The following NFIB variants were observed in gnomAD, a reference collection of about 807,000 sequenced individuals.
NFIB encodes nuclear factor I B.
A neutral mutation model predicts 61.5 loss-of-function variants in NFIB; 11 were observed. The ratio of observed to expected loss-of-function variants is 0.18; its 90% CI spans 0.11 to 0.30. The LOEUF (loss-of-function observed/expected upper bound fraction) is 0.30, where lower values mean the gene tolerates loss of function less well. NFIB is among the 10% of genes least tolerant of loss of function. The pLI, the probability that NFIB is intolerant of heterozygous loss-of-function variation, is 1.00. For missense variants in NFIB, 471 were observed against 608.9 expected (o/e 0.77, Z 2.38); for synonymous variants, 260 against 216.5 (o/e 1.20, Z -1.76).
intron 3 of NFIB, among the ~76,000 whole-genome samples, chr9:14,170,111 A>G (rs1257615764): frequency 6.6e-6 from 1 of 152,204 alleles, no homozygotes; most frequent in Non-Finnish European, 1.5e-5. Flanking sequence ...GAGTTGCCTT[A>G]GTGCCTGGAC....
At chr9:14,518,872 G>A in the NFIB span, among the ~76,000 whole-genome samples, 1 of 152,036 alleles carries the variant, frequency 6.6e-6, no homozygotes, top group East Asian at 1.9e-4. Flanking sequence ...TCGGAGCAGT[G>A]GAGTCTATGC....
chr9:14,438,566 T>C, the NFIB span, among the ~76,000 whole-genome samples: 5 of 151,344 alleles, frequency 3.3e-5, no homozygotes, highest in Non-Finnish European at 5.9e-5. Context: ...GGAAAGGGGG[T>C]GGTGGAGGTG....
the NFIB span, among the ~76,000 whole-genome samples, chr9:14,409,320 T>C: frequency 1.8e-3 from 275 of 152,338 alleles, 5 homozygotes; most frequent in East Asian, 0.041. Flanking sequence ...AATTGAACTA[T>C]CTGTTCTTAT....
At chr9:14,481,197 G>GTGTGTATATATATATATATATATATATA in the NFIB span, among the ~76,000 whole-genome samples, 2 of 45,844 alleles carry the variant, frequency 4.4e-5, no homozygotes, top group African/African-American at 9.4e-5. Context: ...GTGTGTGTGT[G>GTGTGTATATATATATATATATATATATA]TATATATATA....
intron 1 of NFIB, among the ~76,000 whole-genome samples, chr9:14,359,015 C>T (rs149140700): frequency 5.4e-4 from 82 of 152,298 alleles, no homozygotes; most frequent in African/African-American, 1.9e-3. Flanking sequence ...TAATGGCGTG[C>T]TGCTATACAT....
chr9:14,367,967 G>A (rs1292637545), intron 1 of NFIB, among the ~76,000 whole-genome samples: 3 of 152,114 alleles, frequency 2.0e-5, no homozygotes, highest in South Asian at 2.1e-4. Flanking sequence ...TCCATGGCAC[G>A]TGTATACCTA....
At chr9:14,423,634 T>C in the NFIB span, among the ~76,000 whole-genome samples, 1 of 152,232 alleles carries the variant, frequency 6.6e-6, no homozygotes, top group African/African-American at 2.4e-5. Context: ...AAAACTCATC[T>C]ATGTCCCTTG....
intron 2 of NFIB, among the ~76,000 whole-genome samples, chr9:14,218,115 TAAG>T (rs1243044031): frequency 1.3e-5 from 2 of 152,092 alleles, no homozygotes; most frequent in African/African-American, 4.8e-5. Flanking sequence ...AGCAAGGGAA[TAAG>T]AATAATGAGC....
chr9:14,367,598 T>C (rs1025027415), intron 1 of NFIB, among the ~76,000 whole-genome samples: 3 of 152,116 alleles, frequency 2.0e-5, no homozygotes, highest in South Asian at 2.1e-4. Context: ...GAGCAATTGA[T>C]ACATGAGAGG....
At chr9:14,331,379 C>A (rs1362172750) in intron 1 of NFIB, among the ~76,000 whole-genome samples, 1 of 152,200 alleles carries the variant, frequency 6.6e-6, no homozygotes, top group African/African-American at 2.4e-5. Flanking sequence ...GCCTTGGAGG[C>A]TTTCCACTAT....
Position 14,283,986 on chromosome 9 carries a change from T to C in NFIB, c.562+23003A>G, listed in dbSNP as rs1357064029. Among the ~76,000 whole-genome samples the C allele has an allele frequency of 2.6e-5, 4 of 152,190 alleles. No individual in the cohort carries two copies. The East Asian group carries it at 5.8e-4, about 22-fold the overall frequency. ...AAATGTAGCTTATAACCCTTGGAGA[T>C]GCAGAGAAGACCCTTTTTTAAAAAA... is the stretch of plus-strand genomic sequence containing the variant. On this transcript the variant is annotated intron_variant, in intron 2 of 10. Coordinates refer to ENST00000380953, the MANE Select transcript of NFIB (RefSeq NM_001190737.2).
intron 2 of NFIB, among the ~76,000 whole-genome samples, chr9:14,300,022 CAG>C (rs1435772383): frequency 6.6e-6 from 1 of 152,182 alleles, no homozygotes; most frequent in Non-Finnish European, 1.5e-5. Context: ...GCTAATCCCA[CAG>C]ACTCACTCCT....
chr9:14,203,581 C>T (rs1288110374), intron 2 of NFIB, among the ~76,000 whole-genome samples: 1 of 152,290 alleles, frequency 6.6e-6, no homozygotes, highest in Middle Eastern at 3.4e-3. Flanking sequence ...GAGCTCTCCG[C>T]GCGGGCAGGA....
At chr9:14,189,215 C>A (rs1455866069) in intron 2 of NFIB, among the ~76,000 whole-genome samples, 1 of 152,168 alleles carries the variant, frequency 6.6e-6, no homozygotes, top group African/African-American at 2.4e-5. Flanking sequence ...ATTTTCCCAA[C>A]ACTTAATATA....
chr9:14,278,254 A>G (rs1026817620), intron 2 of NFIB, among the ~76,000 whole-genome samples: 1 of 152,218 alleles, frequency 6.6e-6, no homozygotes, highest in African/African-American at 2.4e-5. Context: ...GTTGGTAGGT[A>G]AAAGTAATCT....
Position 14,282,564 on chromosome 9 carries a change from T to C in NFIB, c.562+24425A>G, listed in dbSNP as rs2058442246. Among the ~76,000 whole-genome samples the C allele has an allele frequency of 1.3e-5, 2 of 152,232 alleles. 1 individual carries two copies. Among genetic ancestry groups the C allele is most frequent in the South Asian group, 4.1e-4 (2 of 4,834 alleles). ...AATGGCAGTTGATAAACATAGTCTT[T>C]AGAGTGTGCTAAGGTCATTAAAACA... On this transcript the variant is annotated intron_variant, in intron 2 of 10. Coordinates refer to ENST00000380953, the MANE Select transcript of NFIB (RefSeq NM_001190737.2).
chr9:14,234,805 G>GTTT (rs113148766), intron 2 of NFIB, among the ~76,000 whole-genome samples: 95 of 142,966 alleles, frequency 6.6e-4, no homozygotes, highest in Admixed American at 1.7e-3. Flanking sequence ...TTTTTTTTTG[G>GTTT]TTTTTTTTTT....
the NFIB span, among the ~76,000 whole-genome samples, chr9:14,415,173 G>C: frequency 6.6e-6 from 1 of 152,120 alleles, no homozygotes; most frequent in South Asian, 2.1e-4. Flanking sequence ...CTTCCTTGCA[G>C]CTGAACTGAA....
chr9:14,239,112 C>A (rs1196544319), intron 2 of NFIB, among the ~76,000 whole-genome samples: 1 of 152,180 alleles, frequency 6.6e-6, no homozygotes, highest in African/African-American at 2.4e-5. Context: ...TTCTAAGAAA[C>A]TAAAATTAAG....
Sources: gnomAD v4.1 joint callset for allele counts (sites outside exome capture counted in the v4.1 genomes callset) on GRCh38, gnomAD v4.1.1 for gene constraint, MANE v1.5 for transcripts, NCBI Gene and HGNC (gene_info 2026-07-23, HGNC 2026-07-21) for gene names.